Variants in ACAP2 observed in about 807,000 individuals in gnomAD.
ACAP2 encodes the protein ArfGAP with coiled-coil, ankyrin repeat and PH domains 2.
A neutral mutation model predicts 115.8 loss-of-function variants in ACAP2; 39 were observed. The ratio of observed to expected loss-of-function variants is 0.34; its 90% CI spans 0.26 to 0.44. The LOEUF (loss-of-function observed/expected upper bound fraction) is 0.44. ACAP2 is among the 20% of genes least tolerant of loss of function. ACAP2 has a pLI of 1.00. For missense variants in ACAP2, 662 were observed against 927.6 expected, an observed-to-expected ratio of 0.71 and a Z score of 3.72; for synonymous variants, 289 against 315.8, an observed-to-expected ratio of 0.92 and a Z score of 0.90.
At chr3:195,423,912 C>G (rs1002434914) in intron 1 of ACAP2, among the ~76,000 whole-genome samples, 28 of 151,726 alleles carry the variant, frequency 1.8e-4, no homozygotes, top group African/African-American at 6.8e-4. Flanking sequence ...AACAATGGAG[C>G]CTCTTGTTTA....
intron 15 of ACAP2, among the ~76,000 whole-genome samples, chr3:195,297,699 C>A (rs764522516): frequency 6.2e-4 from 95 of 152,200 alleles, no homozygotes; most frequent in Non-Finnish European, 1.2e-3. Flanking sequence ...AGTATCTATT[C>A]TTTTCAGTTT....
At chr3:195,367,410 A>C (rs972122703) in intron 4 of ACAP2, among the ~76,000 whole-genome samples, 2 of 152,168 alleles carry the variant, frequency 1.3e-5, no homozygotes, top group Non-Finnish European at 2.9e-5. Flanking sequence ...AAATGACATA[A>C]ATAAAACTCT....
At chr3:195,293,979 A>G (rs1269847393) in intron 18 of ACAP2, among the ~76,000 whole-genome samples, 1 of 147,560 alleles carries the variant, frequency 6.8e-6, no homozygotes, top group African/African-American at 2.5e-5. Context: ...TAAAAATACA[A>G]AAAAAAAAAA....
At chr3:195,357,506 T>TA (rs1553857455) in intron 4 of ACAP2, among the ~76,000 whole-genome samples, 1 of 152,120 alleles carries the variant, frequency 6.6e-6, no homozygotes, top group Non-Finnish European at 1.5e-5. Flanking sequence ...AGGTAATAGT[T>TA]ACAGCAGGAC....
intron 1 of ACAP2, among the ~76,000 whole-genome samples, chr3:195,407,382 T>G (rs1712877756): frequency 6.6e-6 from 1 of 151,694 alleles, no homozygotes; most frequent in African/African-American, 2.4e-5. Context: ...AAAAAATACA[T>G]TAAAAATATA....
At chr3:195,442,558 C>T (rs1716095042) in intron 1 of ACAP2, among the ~76,000 whole-genome samples, 1 of 152,172 alleles carries the variant, frequency 6.6e-6, no homozygotes, top group African/African-American at 2.4e-5. Context: ...TCCGCCCCGG[C>T]AGAGGGCAAG....
intron 11 of ACAP2, among the ~76,000 whole-genome samples, chr3:195,308,328 T>A (rs1289164950): frequency 6.8e-6 from 1 of 146,252 alleles, no homozygotes; most frequent in Non-Finnish European, 1.5e-5. Context: ...AAGATACATA[T>A]AAAGAAATAA....
intron 4 of ACAP2, among the ~76,000 whole-genome samples, chr3:195,368,096 C>A (rs1732854854): frequency 6.6e-6 from 1 of 152,212 alleles, no homozygotes; most frequent in Non-Finnish European, 1.5e-5. Context: ...TCTACAACTG[C>A]TAAAATTACA....
intron 10 of ACAP2, among the ~76,000 whole-genome samples, chr3:195,310,904 C>T (rs1728721564): frequency 6.6e-6 from 1 of 151,934 alleles, no homozygotes; most frequent in Non-Finnish European, 1.5e-5. Context: ...AGGTAGAAAA[C>T]ATTTTTTCAA....
intron 7 of ACAP2, 128 bp from the exon 8 acceptor site, chr3:195,333,251 G>A: frequency 2.5e-6 from 1 of 394,134 alleles, no homozygotes; most frequent in Non-Finnish European, 4.3e-6. Flanking sequence ...CCCAGACCTG[G>A]CATGCAGTGG....
intron 1 of ACAP2, among the ~76,000 whole-genome samples, chr3:195,424,284 T>TATA (rs1491225166): frequency 2.7e-3 from 42 of 15,820 alleles, no homozygotes; most frequent in South Asian, 0.014. Context: ...TATATATATA[T>TATA]TTTTTTTTTT....
At chr3:195,376,665 T>G (rs958262971) in intron 4 of ACAP2, among the ~76,000 whole-genome samples, 13 of 152,328 alleles carry the variant, frequency 8.5e-5, no homozygotes, top group Non-Finnish European at 1.8e-4. Flanking sequence ...TACATGATAA[T>G]CTAAATGATT....
intron 1 of ACAP2, among the ~76,000 whole-genome samples, chr3:195,396,975 AT>A (rs1711848860): frequency 6.6e-6 from 1 of 152,200 alleles, no homozygotes; most frequent in South Asian, 2.1e-4. Context: ...TGCAATCTAA[AT>A]TGCCAATAGC....
chr3:195,307,211 A>C lies in ACAP2; in HGVS notation c.1010+12T>G, dbSNP rs1176672439. On this transcript the variant is annotated intron_variant, in intron 12 of 22. Transcript: ENST00000326793. Reference sequence around the variant, plus strand: ...CATAAAAGCAAATCACAGATCCTTTAGAACCACTTACTTTGTTGGCGAGAC... The same window carrying C: ...CATAAAAGCAAATCACAGATCCTTTCGAACCACTTACTTTGTTGGCGAGAC... 33 of 1,604,160 alleles carry C rather than the reference A, an allele frequency of 2.1e-5. No individual in the cohort carries two copies. Among genetic ancestry groups the C allele is most frequent in the Non-Finnish European group, 2.8e-5 (33 of 1,172,596 alleles).
intron 1 of ACAP2, among the ~76,000 whole-genome samples, chr3:195,392,512 C>T (rs1413054525): frequency 6.6e-6 from 1 of 152,196 alleles, no homozygotes; most frequent in Non-Finnish European, 1.5e-5. Context: ...TGCAACCAAA[C>T]TGCAAGGCGT....
intron 4 of ACAP2, among the ~76,000 whole-genome samples, chr3:195,372,611 C>T (rs2108731070): frequency 6.6e-6 from 1 of 152,152 alleles, no homozygotes. Flanking sequence ...CACTTGAGCT[C>T]AGGAGTTCAA....
chr3:195,370,517 T>C (rs1047761192), intron 4 of ACAP2, among the ~76,000 whole-genome samples: 3 of 152,216 alleles, frequency 2.0e-5, no homozygotes, highest in Non-Finnish European at 4.4e-5. Context: ...CCCTCATTAC[T>C]TGTTTCTGTC....
At chr3:195,304,884 T>C (rs1484773596) in intron 13 of ACAP2, among the ~76,000 whole-genome samples, 1 of 152,242 alleles carries the variant, frequency 6.6e-6, no homozygotes, top group Admixed American at 6.5e-5. Flanking sequence ...CTAACACTTA[T>C]GATGAGATAG....
At chr3:195,346,906 T>C (rs1245545392) in intron 4 of ACAP2, among the ~76,000 whole-genome samples, 1 of 152,174 alleles carries the variant, frequency 6.6e-6, no homozygotes, top group Non-Finnish European at 1.5e-5. Flanking sequence ...TTGTAGGGCA[T>C]TCAGGAAAGT....
Sources: gnomAD v4.1 joint callset for allele counts (sites outside exome capture counted in the v4.1 genomes callset) on GRCh38, gnomAD v4.1.1 for gene constraint, MANE v1.5 for transcripts, NCBI Gene and HGNC (gene_info 2026-07-23, HGNC 2026-07-21) for gene names.